Variants in TNNC1 observed in about 807,000 individuals in gnomAD.
The protein encoded by TNNC1 is troponin C1, slow skeletal and cardiac type.
In TNNC1, 10 loss-of-function variants were observed where a neutral mutation model predicts 19.6. The observed-to-expected ratio is 0.51, with a 90% CI of 0.31 to 0.87. The LOEUF (loss-of-function observed/expected upper bound fraction) is 0.87, where lower values mean the gene tolerates loss of function less well. TNNC1 is among the 40% of genes least tolerant of loss of function. The pLI is 0.04. For synonymous variants in TNNC1, 85 were observed against 80.1 expected, an observed-to-expected ratio of 1.06 and a Z score of -0.33; for missense variants, 115 against 219.8, an observed-to-expected ratio of 0.52 and a Z score of 3.02.
chr3:52,451,369 A>G lies in TNNC1; in HGVS notation c.454+22T>C. 6.2e-7 allele frequency: 1 copy of G among 1,614,000 alleles called. No individual in the cohort carries two copies. The highest frequency in any genetic ancestry group is 1.6e-4 in the Middle Eastern group (1 of 6,062). ...GCTGGGCAGGGCATGGAGGCAGGAG[A>G]TCAGCCCACCCACCCGCTTACCATC... On this transcript the variant is annotated intron_variant, in intron 5 of 5. Transcript: ENST00000232975. The surrounding 1 kb of genome is among the most constrained non-coding windows in gnomAD (Gnocchi z 4.8).
rs2070914 is a variant in TNNC1, at chr3:52,453,878, T to C, written c.24+114A>G. 5.1e-3 allele frequency: 6,552 copies of C among 1,290,414 alleles called. 224 individuals are homozygous for C. In the East Asian group the frequency reaches 0.082, roughly 16 times the overall value. 79.9% of individuals were successfully genotyped at this position (1,290,414 alleles called of 1,614,324 possible). ...TGTGAGGGCCTGGGTTGAAGGCACGTAGGCCTTCTCCTTGGTCCCCACCAC... is the reference window on the plus strand; with the variant it reads ...TGTGAGGGCCTGGGTTGAAGGCACGCAGGCCTTCTCCTTGGTCCCCACCAC... On this transcript the variant is annotated intron_variant, in intron 1 of 5. Coordinates refer to ENST00000232975, the MANE Select transcript of TNNC1 (RefSeq NM_003280.3).
chr3:52,453,519 C>T (rs990509281), intron 1 of TNNC1, among the ~76,000 whole-genome samples: 1 of 152,172 alleles, frequency 6.6e-6, no homozygotes, highest in South Asian at 2.1e-4. Context: ...ACACCCTCCA[C>T]CCTCCAAAGC....
chr3:52,451,550 A>G lies in TNNC1; in HGVS notation c.318-23T>C. On this transcript the variant is annotated intron_variant, in intron 4 of 5. Transcript: ENST00000232975. This position sits in a 1 kb window ranked among gnomAD's most constrained non-coding sequence, Gnocchi z 4.8. ...TTTCTGTGGGGAGGGGGCTCAGGGT[A>G]GGGCTGTGGGGAGGGCATGAGGCAG... 1 of 1,613,584 alleles carries G rather than the reference A, an allele frequency of 6.2e-7. No homozygotes were observed. Among genetic ancestry groups the G allele is most frequent in the Non-Finnish European group, 8.5e-7 (1 of 1,179,836 alleles).
In TNNC1 at chr3:52,452,409, G is replaced by T. The variant is rs1706342762; in HGVS notation, c.55+74C>A. On this transcript the variant is annotated intron_variant, in intron 2 of 5. Transcript: ENST00000232975. This position sits in a 1 kb window ranked among gnomAD's most constrained non-coding sequence, Gnocchi z 5.2. Reference sequence around the variant, plus strand: ...CCAAGCCTCTGGTCTCTGGCCTGGGGTCCTCTTCTGATAAGGGGTCCCCAT... The same window carrying T: ...CCAAGCCTCTGGTCTCTGGCCTGGGTTCCTCTTCTGATAAGGGGTCCCCAT... 6.3e-7 allele frequency: 1 copy of T among 1,592,202 alleles called. No homozygotes were observed. Among genetic ancestry groups the T allele is most frequent in the Non-Finnish European group, 8.6e-7 (1 of 1,166,298 alleles).
In TNNC1 at chr3:52,451,384, C is replaced by CG. The variant is rs1559615648; in HGVS notation, c.454+6dup. The CG allele has an allele frequency of 3.1e-6, 5 of 1,614,094 alleles. No individual in the cohort carries two copies. Among genetic ancestry groups the CG allele is most frequent in the Non-Finnish European group, 4.2e-6 (5 of 1,179,998 alleles). On this transcript the variant is annotated splice_region_variant and intron_variant, in intron 5 of 5. Coordinates refer to ENST00000232975, the MANE Select transcript of TNNC1 (RefSeq NM_003280.3). This position sits in a 1 kb window ranked among gnomAD's most constrained non-coding sequence, Gnocchi z 4.8. ...GAGGCAGGAGATCAGCCCACCCACC[C>CG]GCTTACCATCATAGTCGATGCGGCC... is the stretch of plus-strand genomic sequence containing the variant.
In TNNC1 at chr3:52,451,378, C is replaced by T. The variant is rs1706323922; in HGVS notation, c.454+13G>A. ...GGCATGGAGGCAGGAGATCAGCCCA[C>T]CCACCCGCTTACCATCATAGTCGAT... On this transcript the variant is annotated intron_variant, in intron 5 of 5. Transcript: ENST00000232975. The surrounding 1 kb of genome is among the most constrained non-coding windows in gnomAD (Gnocchi z 4.8). 2 of 1,614,116 alleles carry T rather than the reference C, an allele frequency of 1.2e-6. No homozygotes were observed. The highest frequency in any genetic ancestry group is 1.6e-4 in the Middle Eastern group (1 of 6,062).
In TNNC1 at chr3:52,452,330, C is replaced by A. The variant is rs765651885; in HGVS notation, c.56-78G>T. 1.9e-6 allele frequency: 3 copies of A among 1,599,098 alleles called. No individual in the cohort carries two copies. Among genetic ancestry groups the A allele is most frequent in the Non-Finnish European group, 2.5e-6 (3 of 1,176,852 alleles). On this transcript the variant is annotated intron_variant, in intron 2 of 5. Coordinates refer to ENST00000232975, the MANE Select transcript of TNNC1 (RefSeq NM_003280.3). This position sits in a 1 kb window ranked among gnomAD's most constrained non-coding sequence, Gnocchi z 5.2. ...CGGAGGGCCAGAACCCTGGGGCCAC[C>A]TGCCAACCTGCCCACCTCCCTCGGA...
At chr3:52,453,861 C>T (rs1335910427) in intron 1 of TNNC1, 131 bp downstream of exon 1, 3 of 1,083,970 alleles carry the variant, frequency 2.8e-6, no homozygotes, top group African/African-American at 3.1e-5. Flanking sequence ...CCTGTGAGGG[C>T]CTGGGTTGAA....
Position 52,451,261 on chromosome 3 carries a change from G to A in TNNC1, c.*14C>T. Reference sequence around the variant, plus strand: ...GGAGGCTGGGCATAGGCAGCTCTGGGTGAAGGTCAGCATCTACTCCACACC... The same window carrying A: ...GGAGGCTGGGCATAGGCAGCTCTGGATGAAGGTCAGCATCTACTCCACACC... On this transcript the variant is annotated 3_prime_UTR_variant, in exon 6 of 6. Transcript: ENST00000232975. The surrounding 1 kb of genome is among the most constrained non-coding windows in gnomAD (Gnocchi z 4.8). The A allele has an allele frequency of 6.2e-7, 1 of 1,614,080 alleles. No individual in the cohort carries two copies. Among genetic ancestry groups the A allele is most frequent in the Non-Finnish European group, 8.5e-7 (1 of 1,180,004 alleles).
intron 1 of TNNC1, among the ~76,000 whole-genome samples, chr3:52,453,536 G>C (rs970470199): frequency 3.9e-5 from 6 of 152,106 alleles, no homozygotes; most frequent in African/African-American, 1.4e-4. Flanking sequence ...AAGCATCTTC[G>C]GCCCGCCAAG....
chr3:52,453,621 G>C (rs1318427043), intron 1 of TNNC1, among the ~76,000 whole-genome samples: 2 of 152,214 alleles, frequency 1.3e-5, no homozygotes, highest in East Asian at 3.8e-4. Context: ...GTTGGGGACA[G>C]GGAGACAGTA....
chr3:52,453,894 T>C lies in TNNC1; in HGVS notation c.24+98A>G, dbSNP rs376104958. On this transcript the variant is annotated intron_variant, in intron 1 of 5. Transcript: ENST00000232975. ...GAAGGCACGTAGGCCTTCTCCTTGG[T>C]CCCCACCACTTCCCTGGGGCTACTA... 24 of 1,447,114 alleles carry C rather than the reference T, an allele frequency of 1.7e-5. No individual in the cohort carries two copies. In the African/African-American group the frequency reaches 2.7e-4, roughly 16 times the overall value. The allele number at this position is 1,447,114 out of a possible 1,614,324, so 89.6% of individuals were successfully genotyped here.
chr3:52,451,286 C>T lies in TNNC1; in HGVS notation c.475G>A (p.Gly159Ser), dbSNP rs896718266. ...GTGAAGGTCAGCATCTACTCCACAC[C>T]CTTCATGAACTCCAGGAACTCTGTG... Reference protein sequence around the residue: ...DYDEFLEFMKGVE With the variant: ...DYDEFLEFMKSVE The change falls in exon 6 of 6, where the codon GGT becomes AGT. Residue 159 changes from glycine (G) to serine (S), a missense_variant. Physicochemically the swap from Gly to Ser is moderately conservative, Grantham distance 56 (BLOSUM62 0). This residue lies in a region of TNNC1 where 96 missense variants were observed against 114.2 expected (regional missense o/e 0.84). Transcript: ENST00000232975. The surrounding 1 kb of genome is among the most constrained non-coding windows in gnomAD (Gnocchi z 4.8). The T allele has an allele frequency of 6.2e-7, 1 of 1,613,944 alleles. No individual in the cohort carries two copies. Among genetic ancestry groups the T allele is most frequent in the Non-Finnish European group, 8.5e-7 (1 of 1,180,014 alleles).
chr3:52,452,783 T>G lies in TNNC1; in HGVS notation c.25-270A>C. 1 of 549,334 alleles carries G rather than the reference T, an allele frequency of 1.8e-6. No individual in the cohort carries two copies. The highest frequency in any genetic ancestry group is 3.3e-6 in the Non-Finnish European group (1 of 304,778). The allele number at this position is 549,334 out of a possible 1,614,324, so 34.0% of individuals were successfully genotyped here. ...GTAACAATAGTCAGTGACCACTCAA[T>G]GCCCTTTCGGCCCCTGATGAAACTC... is the stretch of plus-strand genomic sequence containing the variant. On this transcript the variant is annotated intron_variant, in intron 1 of 5. Transcript: ENST00000232975. The surrounding 1 kb of genome is among the most constrained non-coding windows in gnomAD (Gnocchi z 5.2).
At chr3:52,453,368 C>T (rs537331224) in intron 1 of TNNC1, among the ~76,000 whole-genome samples, 1 of 152,318 alleles carries the variant, frequency 6.6e-6, no homozygotes, top group South Asian at 2.1e-4. Context: ...GAGCCCTGAG[C>T]CTGCCAGGCA....
At chr3:52,453,612 T>A (rs1706361010) in intron 1 of TNNC1, among the ~76,000 whole-genome samples, 1 of 151,638 alleles carries the variant, frequency 6.6e-6, no homozygotes, top group Non-Finnish European at 1.5e-5. Context: ...GAAATGGGGG[T>A]TGGGGACAGG....
In TNNC1 at chr3:52,452,660, C is replaced by A; in HGVS notation, c.25-147G>T. 1.0e-5 allele frequency: 9 copies of A among 875,728 alleles called. No homozygotes were observed. In the South Asian group the frequency reaches 1.2e-4, roughly 11 times the overall value. 54.2% of individuals were successfully genotyped at this position (875,728 alleles called of 1,614,324 possible). A position where few individuals can be genotyped will look rare whatever the true frequency, so the allele number is the denominator to read the frequency against. ...TGGAGGTCTCAGTCCTCCCTCCCTG[C>A]CCCCAAAGCCCTGACGTGACCCAGC... is the stretch of plus-strand genomic sequence containing the variant. On this transcript the variant is annotated intron_variant, in intron 1 of 5. Transcript: ENST00000232975. This position sits in a 1 kb window ranked among gnomAD's most constrained non-coding sequence, Gnocchi z 5.2.
Position 52,452,674 on chromosome 3 carries a change from ACGTGACCCAG to A in TNNC1, c.25-171_25-162del. ...CTCCCTCCCTGCCCCCAAAGCCCTG[ACGTGACCCAG>A]CTGGCCTCACTGCGACTGGGCTCAG... On this transcript the variant is annotated intron_variant, in intron 1 of 5. Coordinates refer to ENST00000232975, the MANE Select transcript of TNNC1 (RefSeq NM_003280.3). The surrounding 1 kb of genome is among the most constrained non-coding windows in gnomAD (Gnocchi z 5.2). 1.2e-6 allele frequency: 1 copy of A among 808,982 alleles called. No homozygotes were observed. The highest frequency in any genetic ancestry group is 1.5e-5 in the South Asian group (1 of 66,728). The allele number at this position is 808,982 out of a possible 1,614,324, so 50.1% of individuals were successfully genotyped here.
In TNNC1 at chr3:52,451,324, G is replaced by A. The variant is rs763016039; in HGVS notation, c.455-18C>T. The stretch of plus-strand genomic sequence containing the variant: ...CAGGAACTCTGTGGAAAGAGGGGCA[G>A]GTGTGGGTTGAGGGTAGGGGCTGGG... On this transcript the variant is annotated intron_variant, in intron 5 of 5. Coordinates refer to ENST00000232975, the MANE Select transcript of TNNC1 (RefSeq NM_003280.3). This position sits in a 1 kb window ranked among gnomAD's most constrained non-coding sequence, Gnocchi z 4.8. The A allele has an allele frequency of 1.2e-6, 2 of 1,614,036 alleles. No homozygotes were observed. Among genetic ancestry groups the A allele is most frequent in the East Asian group, 4.5e-5 (2 of 44,896 alleles).
Sources: gnomAD v4.1 joint callset for allele counts (sites outside exome capture counted in the v4.1 genomes callset) on GRCh38, gnomAD v4.1.1 for gene constraint, gnomAD v4.1.1 regional missense constraint, Gnocchi (gnomAD v3.1) non-coding constraint, MANE v1.5 for transcripts, NCBI Gene and HGNC (gene_info 2026-07-23, HGNC 2026-07-21) for gene names.